GREM2: variants seen among roughly 807,000 people sequenced by gnomAD.
The protein encoded by GREM2 is gremlin-2.
GREM2 carries 11 observed loss-of-function variants against 14.2 expected under a neutral mutation model. The observed-to-expected ratio is 0.78, with a 90% CI of 0.49 to 1.28. The LOEUF is 1.28. Among genes scored for constraint, GREM2 ranks in the 50% most tolerant of loss-of-function variants. GREM2 has a pLI of 0.00. For missense variants in GREM2, 210 were observed against 218.5 expected, an observed-to-expected ratio of 0.96 and a Z score of 0.24; for synonymous variants, 98 against 97.6, an observed-to-expected ratio of 1.00 and a Z score of -0.02.
chr1:240,548,745 A>G (rs1678787072), intron 1 of GREM2, among the ~76,000 whole-genome samples: 2 of 152,136 alleles, frequency 1.3e-5, no homozygotes, highest in Admixed American at 1.3e-4. Flanking sequence ...GGGAGAAATA[A>G]AAGGGAAGTG....
intron 1 of GREM2, among the ~76,000 whole-genome samples, chr1:240,554,885 T>C (rs192269751): frequency 6.6e-6 from 1 of 152,354 alleles, no homozygotes; most frequent in East Asian, 1.9e-4. Context: ...GGCTCACGCC[T>C]GTAATTCCAG....
chr1:240,529,418 C>A (rs928870556), intron 1 of GREM2, among the ~76,000 whole-genome samples: 4 of 152,040 alleles, frequency 2.6e-5, no homozygotes, highest in Non-Finnish European at 5.9e-5. Flanking sequence ...TCTCGGTCTT[C>A]CCATGTTGTC....
intron 1 of GREM2, among the ~76,000 whole-genome samples, chr1:240,592,557 AC>A (rs1558176444): frequency 6.6e-6 from 1 of 152,216 alleles, no homozygotes; most frequent in Non-Finnish European, 1.5e-5. Flanking sequence ...GATGTTTAAC[AC>A]AGAGTCTACA....
intron 1 of GREM2, among the ~76,000 whole-genome samples, chr1:240,554,802 C>G (rs1158683664): frequency 6.6e-6 from 1 of 152,182 alleles, no homozygotes; most frequent in African/African-American, 2.4e-5. Flanking sequence ...TGTGCCTTTT[C>G]CTCTACTTCT....
intron 1 of GREM2, among the ~76,000 whole-genome samples, chr1:240,562,929 T>TGA (rs1491464735): frequency 2.1e-5 from 3 of 146,218 alleles, no homozygotes; most frequent in Non-Finnish European, 3.0e-5. Flanking sequence ...TGTATGTGTA[T>TGA]GTGTGTGAGT....
chr1:240,583,977 C>T (rs1455474180), intron 1 of GREM2, among the ~76,000 whole-genome samples: 1 of 152,116 alleles, frequency 6.6e-6, no homozygotes, highest in Non-Finnish European at 1.5e-5. Flanking sequence ...AGAGAGGTTG[C>T]TGTCCCCTCC....
intron 1 of GREM2, among the ~76,000 whole-genome samples, chr1:240,565,964 C>A (rs1432049053): frequency 1.3e-5 from 2 of 152,036 alleles, no homozygotes; most frequent in East Asian, 3.9e-4. Context: ...AGAAAAGAGA[C>A]CCCTGCATGG....
chr1:240,503,893 G>A (rs1385548185), intron 1 of GREM2, among the ~76,000 whole-genome samples: 1 of 152,186 alleles, frequency 6.6e-6, no homozygotes, highest in Non-Finnish European at 1.5e-5. Context: ...TTGGAAGAGA[G>A]GGGTATTTAA....
chr1:240,546,757 T>G (rs896380459), intron 1 of GREM2, among the ~76,000 whole-genome samples: 13 of 152,208 alleles, frequency 8.5e-5, no homozygotes, highest in Non-Finnish European at 1.8e-4. Flanking sequence ...ATGAAATTTT[T>G]ATCTCATTGA....
chr1:240,511,669 C>T (rs1353970333), intron 1 of GREM2, among the ~76,000 whole-genome samples: 2 of 152,154 alleles, frequency 1.3e-5, no homozygotes, highest in African/African-American at 4.8e-5. Flanking sequence ...AGGAGAATTG[C>T]TTGAACCTGA....
chr1:240,509,754 T>A, intron 1 of GREM2, among the ~76,000 whole-genome samples: 1 of 152,118 alleles, frequency 6.6e-6, no homozygotes, highest in East Asian at 1.9e-4. Flanking sequence ...ACACATTGAA[T>A]GGGAACTTAA....
chr1:240,575,091 A>G (rs916059496), intron 1 of GREM2, among the ~76,000 whole-genome samples: 33 of 152,204 alleles, frequency 2.2e-4, no homozygotes, highest in African/African-American at 6.7e-4. Flanking sequence ...TGGTGACAAG[A>G]GTGAGACTCT....
intron 1 of GREM2, among the ~76,000 whole-genome samples, chr1:240,537,259 G>C (rs1678493799): frequency 6.6e-6 from 1 of 152,156 alleles, no homozygotes; most frequent in South Asian, 2.1e-4. Context: ...AGGAAGGAAA[G>C]AAAATGCTGG....
chr1:240,590,215 A>G (rs1679679646), intron 1 of GREM2, among the ~76,000 whole-genome samples: 1 of 152,156 alleles, frequency 6.6e-6, no homozygotes. Flanking sequence ...CCATTCTTTT[A>G]ATGTAGAATA....
intron 1 of GREM2, among the ~76,000 whole-genome samples, chr1:240,519,716 C>T (rs759335799): frequency 1.5e-4 from 23 of 151,830 alleles, no homozygotes; most frequent in Non-Finnish European, 2.8e-4. Flanking sequence ...TTGAGGGCAT[C>T]ATCAACTTAT....
At chr1:240,521,749 C>A (rs1476621245) in intron 1 of GREM2, among the ~76,000 whole-genome samples, 1 of 152,080 alleles carries the variant, frequency 6.6e-6, no homozygotes, top group Non-Finnish European at 1.5e-5. Context: ...ACCTGTAAGG[C>A]CACCAACATT....
chr1:240,604,251 A>G (rs12062654), intron 1 of GREM2, among the ~76,000 whole-genome samples: 1,535 of 151,940 alleles, frequency 0.01, 30 homozygotes, highest in African/African-American at 0.035. Context: ...TCACATTTCA[A>G]CATGTGATGT....
chr1:240,531,258 G>A (rs555309079), intron 1 of GREM2, among the ~76,000 whole-genome samples: 1 of 152,224 alleles, frequency 6.6e-6, no homozygotes, highest in African/African-American at 2.4e-5. Context: ...TCTCCATTGT[G>A]TTCATCTCTA....
intron 1 of GREM2, among the ~76,000 whole-genome samples, chr1:240,587,520 C>G (rs532291766): frequency 6.6e-6 from 1 of 152,004 alleles, no homozygotes; most frequent in South Asian, 2.1e-4. Flanking sequence ...CAGAATTTTG[C>G]CATGTTGCCC....
Sources: allele counts gnomAD v4.1 joint callset (sites outside exome capture counted in the v4.1 genomes callset), GRCh38; gene constraint gnomAD v4.1.1; transcripts MANE v1.5; gene names NCBI Gene and HGNC (gene_info 2026-07-23, HGNC 2026-07-21).